The following AP1S3 variants were observed in gnomAD, a reference collection of about 807,000 sequenced individuals.
The protein encoded by AP1S3 is AP-1 complex subunit sigma-3.
AP1S3 carries 10 observed loss-of-function variants against 20.9 expected under a neutral mutation model. That is an observed-to-expected ratio of 0.48 (90% CI 0.29 to 0.81). The LOEUF is 0.81. Among genes scored for constraint, AP1S3 ranks in the 30% least tolerant of loss-of-function variants. The pLI is 0.08. For synonymous variants in AP1S3, 41 were observed against 61.5 expected, an observed-to-expected ratio of 0.67 and a Z score of 1.56; for missense variants, 154 against 183.8, an observed-to-expected ratio of 0.84 and a Z score of 0.94.
At chr2:223,824,443 AAGGT>A (rs1323079146) in intron 1 of AP1S3, among the ~76,000 whole-genome samples, 2 of 152,260 alleles carry the variant, frequency 1.3e-5, no homozygotes, top group Admixed American at 6.5e-5. Flanking sequence ...AAGGTAAGGT[AAGGT>A]CATCCCCTAA....
intron 1 of AP1S3, among the ~76,000 whole-genome samples, chr2:223,782,946 A>G (rs572420829): frequency 6.6e-6 from 1 of 152,348 alleles, no homozygotes; most frequent in East Asian, 1.9e-4. Flanking sequence ...TATACAATTT[A>G]TCAGTTTAGT....
At chr2:223,784,536 C>G (rs1279866443) in intron 1 of AP1S3, among the ~76,000 whole-genome samples, 1 of 152,114 alleles carries the variant, frequency 6.6e-6, no homozygotes, top group African/African-American at 2.4e-5. Context: ...GGCTGTGCCC[C>G]CTCTTCTGGG....
At chr2:223,825,173 C>T (rs562190393) in intron 1 of AP1S3, among the ~76,000 whole-genome samples, 23 of 151,940 alleles carry the variant, frequency 1.5e-4, no homozygotes, top group African/African-American at 5.3e-4. Context: ...ATTAGCCGGG[C>T]GTGGTGGCGG....
chr2:223,787,663 T>C (rs1375128744), intron 1 of AP1S3, among the ~76,000 whole-genome samples: 2 of 152,172 alleles, frequency 1.3e-5, no homozygotes, highest in Non-Finnish European at 2.9e-5. Context: ...GGGAGAGTGG[T>C]TGAAAGTCTC....
intron 1 of AP1S3, among the ~76,000 whole-genome samples, chr2:223,816,843 C>G (rs773128623): frequency 2.4e-4 from 36 of 152,108 alleles, no homozygotes; most frequent in Admixed American, 1.8e-3. Context: ...ATAAAATAGC[C>G]CAGTCTAGGT....
intron 1 of AP1S3, among the ~76,000 whole-genome samples, chr2:223,821,494 C>G (rs1691985371): frequency 6.6e-6 from 1 of 152,164 alleles, no homozygotes; most frequent in South Asian, 2.1e-4. Flanking sequence ...TGTCCCAATT[C>G]TGGTAGGTAT....
rs1384162393 is a variant in AP1S3, at chr2:223,756,159, G to A, written c.*2556C>T. On this transcript the variant is annotated 3_prime_UTR_variant, in exon 5 of 5. Coordinates refer to ENST00000396654, the MANE Select transcript of AP1S3 (RefSeq NM_001039569.2). ...TCAAGACCAGCCTGACCAACATGGA[G>A]AAATCCCAACTCTACCAAAAATACA... 1 of 479,692 alleles carries A rather than the reference G, an allele frequency of 2.1e-6. No individual in the cohort carries two copies. Among genetic ancestry groups the A allele is most frequent in the Non-Finnish European group, 2.7e-6 (1 of 368,314 alleles). The allele number at this position is 479,692 out of a possible 1,614,324, so 29.7% of individuals were successfully genotyped here.
At chr2:223,762,342 G>C (rs1395689235) in intron 4 of AP1S3, among the ~76,000 whole-genome samples, 2 of 143,012 alleles carry the variant, frequency 1.4e-5, no homozygotes, top group East Asian at 4.2e-4. Context: ...GTGGAATCTC[G>C]GCTCACTGCA....
rs1690203932 is a variant in AP1S3 at position 223,756,019 on chromosome 2, T to A, written c.*2696A>T. On this transcript the variant is annotated 3_prime_UTR_variant, in exon 5 of 5. Transcript: ENST00000396654. Reference sequence around the variant, plus strand: ...AAAACTATGATGGATTTACATGAGGTCCATCTTTACAAAATTGTATTGAAA... The same window carrying A: ...AAAACTATGATGGATTTACATGAGGACCATCTTTACAAAATTGTATTGAAA... 1.0e-6 allele frequency: 1 copy of A among 985,280 alleles called. No individual in the cohort carries two copies. The highest frequency in any genetic ancestry group is 1.2e-6 in the Non-Finnish European group (1 of 829,922). 61.0% of individuals were successfully genotyped at this position (985,280 alleles called of 1,614,324 possible).
At position 223,757,566 on chromosome 2, in the gene AP1S3, G is replaced by A; in HGVS notation, c.*1149C>T. On this transcript the variant is annotated 3_prime_UTR_variant, in exon 5 of 5. Transcript: ENST00000396654. ...GCCTCCCAAAGTGCTGGGATTACAG[G>A]TGTAAGCCACCACTCCCGGCCTACA... 6.1e-6 allele frequency: 6 copies of A among 983,368 alleles called. No homozygotes were observed. The highest frequency in any genetic ancestry group is 7.2e-6 in the Non-Finnish European group (6 of 828,076). The allele number at this position is 983,368 out of a possible 1,614,324, so 60.9% of individuals were successfully genotyped here.
intron 1 of AP1S3, among the ~76,000 whole-genome samples, chr2:223,816,615 ATCAG>A (rs1456293317): frequency 6.6e-6 from 1 of 152,218 alleles, no homozygotes; most frequent in African/African-American, 2.4e-5. Flanking sequence ...TTCTAATAAG[ATCAG>A]TCTGACACTA....
At chr2:223,811,663 A>T (rs1394114510) in intron 1 of AP1S3, among the ~76,000 whole-genome samples, 1 of 152,116 alleles carries the variant, frequency 6.6e-6, no homozygotes, top group African/African-American at 2.4e-5. Context: ...TTTCCATCTA[A>T]TACAACTATT....
At chr2:223,762,237 G>A (rs1050597666) in intron 4 of AP1S3, among the ~76,000 whole-genome samples, 4 of 150,432 alleles carry the variant, frequency 2.7e-5, no homozygotes, top group African/African-American at 9.8e-5. Flanking sequence ...CAAAGTGCTG[G>A]GATTATAGGC....
At chr2:223,769,865 C>T (rs1443734843) in intron 3 of AP1S3, among the ~76,000 whole-genome samples, 1 of 151,214 alleles carries the variant, frequency 6.6e-6, no homozygotes, top group Non-Finnish European at 1.5e-5. Flanking sequence ...CTGCCTCAGC[C>T]TCCCGAGTAG....
At chr2:223,771,508 AT>A (rs1690626058) in intron 3 of AP1S3, among the ~76,000 whole-genome samples, 1 of 152,110 alleles carries the variant, frequency 6.6e-6, no homozygotes, top group Admixed American at 6.6e-5. Flanking sequence ...CTCTTTATTT[AT>A]TTTCTCGTGT....
intron 1 of AP1S3, among the ~76,000 whole-genome samples, chr2:223,822,914 A>G (rs1181376387): frequency 6.6e-6 from 1 of 152,148 alleles, no homozygotes; most frequent in Non-Finnish European, 1.5e-5. Context: ...AACTGAAAAA[A>G]AATGGGCAAA....
At position 223,756,338 on chromosome 2, in the gene AP1S3, G is replaced by GGAAGAAAAGAAAAGAAAAGAAAAAA. The variant is rs761166178; in HGVS notation, c.*2376_*2377insTTTTTTCTTTTCTTTTCTTTTCTTC. On this transcript the variant is annotated 3_prime_UTR_variant, in exon 5 of 5. Transcript: ENST00000396654. ...GGTGACAAGAAGCGAGGAAAGAAAAGAAAGAAAAGAAAAGAAAAGAGAAAA... is the reference window on the plus strand; with the variant it reads ...GGTGACAAGAAGCGAGGAAAGAAAAGGAAGAAAAGAAAAGAAAAGAAAAAAAAAGAAAAGAAAAGAAAAGAGAAAA... The GGAAGAAAAGAAAAGAAAAGAAAAAA allele has an allele frequency of 3.8e-6, 1 of 261,470 alleles. No homozygotes were observed. Among genetic ancestry groups the GGAAGAAAAGAAAAGAAAAGAAAAAA allele is most frequent in the African/African-American group, 2.5e-5 (1 of 39,718 alleles). The allele number at this position is 261,470 out of a possible 1,614,324, so 16.2% of individuals were successfully genotyped here. A position where few individuals can be genotyped will look rare whatever the true frequency, so the allele number is the denominator to read the frequency against.
chr2:223,801,557 G>A (rs1348716273), intron 1 of AP1S3, among the ~76,000 whole-genome samples: 1 of 152,094 alleles, frequency 6.6e-6, no homozygotes, highest in African/African-American at 2.4e-5. Context: ...CAATTCTCGT[G>A]CCTCAGCCTC....
intron 4 of AP1S3, among the ~76,000 whole-genome samples, chr2:223,763,013 G>A (rs935798374): frequency 2.6e-5 from 4 of 151,966 alleles, no homozygotes; most frequent in Non-Finnish European, 5.9e-5. Context: ...TCTTAAGCAG[G>A]CAAGATATGC....
Sources: gnomAD v4.1 joint callset for allele counts (sites outside exome capture counted in the v4.1 genomes callset) on GRCh38, gnomAD v4.1.1 for gene constraint, MANE v1.5 for transcripts, NCBI Gene and HGNC (gene_info 2026-07-23, HGNC 2026-07-21) for gene names.